CDYL2: variants seen among roughly 807,000 people sequenced by gnomAD.
CDYL2 encodes chromodomain Y like 2.
Under a neutral mutation model 49.4 loss-of-function variants are expected in CDYL2, and 23 were observed. That is an observed-to-expected ratio of 0.47 (90% CI 0.34 to 0.66). The LOEUF (loss-of-function observed/expected upper bound fraction) is 0.66. CDYL2 is among the 30% of genes least tolerant of loss of function. The probability of loss-of-function intolerance (pLI) is 0.01; values close to 1 mark genes in which losing one functional copy is unlikely to be tolerated. For synonymous variants in CDYL2, 360 were observed against 268.8 expected (o/e 1.34, Z -3.32); for missense variants, 678 against 656.4 (o/e 1.03, Z -0.36).
intron 1 of CDYL2, among the ~76,000 whole-genome samples, chr16:80,750,758 G>T (rs199633899): frequency 1.3e-5 from 2 of 152,132 alleles, no homozygotes; most frequent in African/African-American, 4.8e-5. Context: ...AGTGGCTCAC[G>T]CCCGTAATCC....
chr16:80,663,047 G>C (rs879810517), intron 2 of CDYL2, among the ~76,000 whole-genome samples: 5 of 141,690 alleles, frequency 3.5e-5, no homozygotes, highest in African/African-American at 7.4e-5. Context: ...TTGATCAAAA[G>C]ACATAGGGGA....
chr16:80,782,804 G>A (rs779267267), intron 1 of CDYL2, among the ~76,000 whole-genome samples: 1 of 151,984 alleles, frequency 6.6e-6, no homozygotes, highest in Non-Finnish European at 1.5e-5. Context: ...ACCCTATTAT[G>A]ATTAAAAATA....
chr16:80,610,915 G>T (rs1453280863), intron 5 of CDYL2, among the ~76,000 whole-genome samples: 1 of 152,066 alleles, frequency 6.6e-6, no homozygotes, highest in Non-Finnish European at 1.5e-5. Flanking sequence ...AACACAGAAG[G>T]CCCAGCACCC....
intron 1 of CDYL2, among the ~76,000 whole-genome samples, chr16:80,801,334 A>G (rs574654697): frequency 6.6e-6 from 1 of 152,364 alleles, no homozygotes. Context: ...CTTCACTATG[A>G]TTGAAGAGTG....
intron 1 of CDYL2, among the ~76,000 whole-genome samples, chr16:80,694,691 G>T (rs575523541): frequency 6.6e-6 from 1 of 152,126 alleles, no homozygotes; most frequent in Admixed American, 6.5e-5. Context: ...CCAAGAAGCA[G>T]TCACACCCTA....
chr16:80,618,538 G>T (rs55784074), intron 4 of CDYL2, among the ~76,000 whole-genome samples: 2,048 of 152,260 alleles, frequency 0.013, 56 homozygotes, highest in African/African-American at 0.048. Context: ...GGAACCATTC[G>T]GTGGGGGCTC....
At chr16:80,632,761 G>A (rs1001636143) in intron 3 of CDYL2, 38 of 439,150 alleles carry the variant, frequency 8.7e-5, no homozygotes, top group Admixed American at 1.7e-4. Flanking sequence ...CTAAGTCTGT[G>A]TCCACGATCA....
At chr16:80,705,468 T>C (rs1187081518) in intron 1 of CDYL2, among the ~76,000 whole-genome samples, 1 of 152,204 alleles carries the variant, frequency 6.6e-6, no homozygotes, top group Non-Finnish European at 1.5e-5. Context: ...CCCATCTGCT[T>C]TCAGGAATGT....
chr16:80,649,734 A>T (rs1347127816), intron 2 of CDYL2, among the ~76,000 whole-genome samples: 1 of 152,228 alleles, frequency 6.6e-6, no homozygotes, highest in Non-Finnish European at 1.5e-5. Flanking sequence ...AGCTACAGTA[A>T]CCAAAACAGC....
chr16:80,636,774 T>C (rs942065550), intron 2 of CDYL2, among the ~76,000 whole-genome samples: 3 of 152,184 alleles, frequency 2.0e-5, no homozygotes, highest in African/African-American at 7.2e-5. Flanking sequence ...TGCAGCACTG[T>C]TCACAATAGC....
At chr16:80,775,257 C>G (rs1298033537) in intron 1 of CDYL2, among the ~76,000 whole-genome samples, 1 of 151,462 alleles carries the variant, frequency 6.6e-6, no homozygotes, top group Non-Finnish European at 1.5e-5. Flanking sequence ...ATATTTAAAT[C>G]TAAATAATTG....
At chr16:80,711,775 T>A (rs1052009514) in intron 1 of CDYL2, among the ~76,000 whole-genome samples, 1 of 152,090 alleles carries the variant, frequency 6.6e-6, no homozygotes, top group African/African-American at 2.4e-5. Context: ...GCATAGTGTT[T>A]CAAGGGACAC....
intron 2 of CDYL2, among the ~76,000 whole-genome samples, chr16:80,665,774 G>A (rs1909237368): frequency 6.6e-6 from 1 of 152,092 alleles, no homozygotes; most frequent in South Asian, 2.1e-4. Flanking sequence ...CAGTGGCACT[G>A]TCACCAAGAT....
At chr16:80,664,232 T>C (rs1909166814) in intron 2 of CDYL2, among the ~76,000 whole-genome samples, 1 of 152,194 alleles carries the variant, frequency 6.6e-6, no homozygotes, top group Non-Finnish European at 1.5e-5. Flanking sequence ...TCCAGGACTG[T>C]CTGAGGTTCT....
chr16:80,731,933 G>T (rs1905340290), intron 1 of CDYL2, among the ~76,000 whole-genome samples: 1 of 143,200 alleles, frequency 7.0e-6, no homozygotes, highest in African/African-American at 2.5e-5. Flanking sequence ...AAAGGCAAAA[G>T]ATCCCCAAGC....
Position 80,599,414 on chromosome 16 carries a change from G to A in CDYL2, c.*4974C>T, listed in dbSNP as rs1395981741. The A allele has an allele frequency of 1.3e-5, 2 of 152,100 alleles. No homozygotes were observed. Among genetic ancestry groups the A allele is most frequent in the African/African-American group, 2.4e-5 (1 of 41,412 alleles). The allele number at this position is 152,100 out of a possible 1,614,324, so 9.4% of individuals were successfully genotyped here. ...GGTTTTATTAAACCCCAAAAACAGT[G>A]GATACACTGTCAAGGAGCTCCATGA... On this transcript the variant is annotated 3_prime_UTR_variant, in exon 7 of 7. Coordinates refer to ENST00000570137, the MANE Select transcript of CDYL2 (RefSeq NM_152342.4).
rs143601619 is a variant in CDYL2 at position 80,740,325 on chromosome 16, G to A, written c.25-55196C>T. Among the ~76,000 whole-genome samples, 594 of 152,242 alleles carry A rather than the reference G, an allele frequency of 3.9e-3. 3 individuals carry two copies. Among genetic ancestry groups the A allele is most frequent in the African/African-American group, 0.014 (563 of 41,526 alleles). On this transcript the variant is annotated intron_variant, in intron 1 of 6. Transcript: ENST00000570137. ...CTTTATTTTCACTTCTACGGTGGAG[G>A]AGGTTGTGAAGTGAGTATAGAAACA...
chr16:80,656,722 A>C lies in CDYL2; in HGVS notation c.617-23486T>G, dbSNP rs376454836. Among the ~76,000 whole-genome samples the C allele has an allele frequency of 1.2e-4, 18 of 152,294 alleles. 3 individuals are homozygous for C. The highest frequency in any genetic ancestry group is 3.9e-4 in the African/African-American group (16 of 41,554). On this transcript the variant is annotated intron_variant, in intron 2 of 6. Transcript: ENST00000570137. ...CGACAGATAAAATACAAAAGGAGAG[A>C]GTCAATAAGATGAAGCCGGGCTCAC...
intron 1 of CDYL2, among the ~76,000 whole-genome samples, chr16:80,769,178 T>C (rs1382286764): frequency 6.6e-6 from 1 of 152,082 alleles, no homozygotes; most frequent in Non-Finnish European, 1.5e-5. Context: ...ATGAAAGAAA[T>C]GGAGGAATTT....
Sources: allele counts gnomAD v4.1 joint callset (sites outside exome capture counted in the v4.1 genomes callset), GRCh38; gene constraint gnomAD v4.1.1; transcripts MANE v1.5; gene names NCBI Gene and HGNC (gene_info 2026-07-23, HGNC 2026-07-21).